RAP1GAP: variants seen among roughly 807,000 people sequenced by gnomAD.
The protein encoded by RAP1GAP is rap1 GTPase-activating protein 1.
A neutral mutation model predicts 87.2 loss-of-function variants in RAP1GAP; 35 were observed. That is an observed-to-expected ratio of 0.40 (90% confidence interval 0.31 to 0.53). The LOEUF is 0.53. Among genes scored for constraint, RAP1GAP ranks in the 20% least tolerant of loss-of-function variants. RAP1GAP has a pLI of 0.48. For missense variants in RAP1GAP, 734 were observed against 898.9 expected (o/e 0.82, Z 2.35); for synonymous variants, 375 against 363.9 (o/e 1.03, Z -0.35).
At position 21,620,004 on chromosome 1, in the gene RAP1GAP, G is replaced by C. The variant is rs1383554395; in HGVS notation, c.18+11C>G. The stretch of plus-strand genomic sequence containing the variant: ...GTGGCTCCCCAGAACAGGCCACAGA[G>C]CCATCCTCACCTGCATCTTCTCAAT... On this transcript the variant is annotated intron_variant, in intron 4 of 24. Coordinates refer to ENST00000374765, the MANE Select transcript of RAP1GAP (RefSeq NM_002885.4). 1 of 1,613,856 alleles carries C rather than the reference G, an allele frequency of 6.2e-7. No homozygotes were observed. The highest frequency in any genetic ancestry group is 8.5e-7 in the Non-Finnish European group (1 of 1,179,858).
chr1:21,653,701 A>G (rs2096742072), intron 1 of RAP1GAP, among the ~76,000 whole-genome samples: 1 of 151,442 alleles, frequency 6.6e-6, no homozygotes, highest in African/African-American at 2.4e-5. Context: ...AGGGCCTCTC[A>G]GAGAGGTGGG....
At chr1:21,653,755 A>G (rs1001855964) in intron 1 of RAP1GAP, among the ~76,000 whole-genome samples, 1 of 151,972 alleles carries the variant, frequency 6.6e-6, no homozygotes, top group Non-Finnish European at 1.5e-5. Flanking sequence ...CTGGGCTATG[A>G]GGATGTGCAC....
Position 21,602,929 on chromosome 1 carries a change from C to T in RAP1GAP, c.1429-16G>A, listed in dbSNP as rs767904263. 6.3e-7 allele frequency: 1 copy of T among 1,585,018 alleles called. No individual in the cohort carries two copies. ...CAATCAGTGACTGTGGGGAGAGGCC[C>T]CAACTCAGTGCCACCTTACCTGGGA... On this transcript the variant is annotated splice_polypyrimidine_tract_variant and intron_variant, in intron 18 of 24. Transcript: ENST00000374765.
chr1:21,629,193 T>C (rs912366601), intron 2 of RAP1GAP, among the ~76,000 whole-genome samples: 2 of 152,160 alleles, frequency 1.3e-5, no homozygotes, highest in African/African-American at 4.8e-5. Context: ...GGGCAGAGGC[T>C]GCCTGGGGGT....
At chr1:21,637,531 T>C (rs2094948544) in intron 2 of RAP1GAP, among the ~76,000 whole-genome samples, 1 of 152,102 alleles carries the variant, frequency 6.6e-6, no homozygotes, top group African/African-American at 2.4e-5. Flanking sequence ...TGTTAAAATG[T>C]GCATATTCTT....
At chr1:21,626,833 G>A (rs578220654) in intron 2 of RAP1GAP, 4 of 453,306 alleles carry the variant, frequency 8.8e-6, no homozygotes, top group Admixed American at 2.4e-5. Context: ...GACAGTGACC[G>A]TGACCATAAC....
intron 2 of RAP1GAP, among the ~76,000 whole-genome samples, chr1:21,638,456 CAA>C (rs34567376): frequency 2.8e-3 from 360 of 128,178 alleles, no homozygotes; most frequent in African/African-American, 8.5e-3. Context: ...GACTCTGTCT[CAA>C]AAAAAAAAAA....
In RAP1GAP at chr1:21,659,578, C is replaced by T. The variant is rs375995746; in HGVS notation, c.-149+9676G>A. Among the ~76,000 whole-genome samples the T allele has an allele frequency of 2.6e-4, 40 of 152,312 alleles. 1 individual carries two copies. The East Asian group carries it at 7.0e-3, about 26-fold the overall frequency. ...TCCCGCGGGACCCGTTCTCTCGGTGCGCAGATCACGGGGCCGCACCTACGC... is the reference window on the plus strand; with the variant it reads ...TCCCGCGGGACCCGTTCTCTCGGTGTGCAGATCACGGGGCCGCACCTACGC... On this transcript the variant is annotated intron_variant, in intron 1 of 24. Transcript: ENST00000374765.
intron 7 of RAP1GAP, among the ~76,000 whole-genome samples, chr1:21,616,796 G>A (rs1411158955): frequency 2.0e-5 from 3 of 152,232 alleles, no homozygotes; most frequent in African/African-American, 7.2e-5. Context: ...GTTGGCTGCT[G>A]TATACCTGGT....
At chr1:21,602,245 C>A (rs907327513) in intron 19 of RAP1GAP, among the ~76,000 whole-genome samples, 2 of 152,346 alleles carry the variant, frequency 1.3e-5, no homozygotes, top group South Asian at 4.1e-4. Flanking sequence ...AGCCCCATGC[C>A]ATGGGTTGTG....
chr1:21,612,501 G>A (rs971377448), intron 10 of RAP1GAP, among the ~76,000 whole-genome samples: 11 of 152,116 alleles, frequency 7.2e-5, no homozygotes, highest in African/African-American at 2.2e-4. Flanking sequence ...AACAGGACAC[G>A]TCCCACCAAT....
chr1:21,599,483 G>T lies in RAP1GAP; in HGVS notation c.1776+11C>A. ...CTCCTGTGGGGCCCCTGACCCCCCT[G>T]AGCCTCTCACCAGGCCTGTGTCCTC... is the stretch of plus-strand genomic sequence containing the variant. On this transcript the variant is annotated intron_variant, in intron 21 of 24. Transcript: ENST00000374765. 6.2e-7 allele frequency: 1 copy of T among 1,606,394 alleles called. No homozygotes were observed.
At chr1:21,654,625 G>A (rs2096786073) in intron 1 of RAP1GAP, among the ~76,000 whole-genome samples, 1 of 151,844 alleles carries the variant, frequency 6.6e-6, no homozygotes, top group Non-Finnish European at 1.5e-5. Context: ...TTGAGAGTAG[G>A]AGTTGGAGAA....
chr1:21,613,293 TG>T lies in RAP1GAP; in HGVS notation c.475-65del. On this transcript the variant is annotated intron_variant, in intron 9 of 24. Coordinates refer to ENST00000374765, the MANE Select transcript of RAP1GAP (RefSeq NM_002885.4). The surrounding 1 kb of genome is among the most constrained non-coding windows in gnomAD (Gnocchi z 4.7). ...CCAGGGAGGAGAGGATGGGGCTGCC[TG>T]GGCCTCCCTGGTCAAGGTCTGGGGA... 5 of 1,409,336 alleles carry T rather than the reference TG, an allele frequency of 3.5e-6. No individual in the cohort carries two copies. Among genetic ancestry groups the T allele is most frequent in the Non-Finnish European group, 5.0e-6 (5 of 994,654 alleles). 87.3% of individuals were successfully genotyped at this position (1,409,336 alleles called of 1,614,324 possible). A position where few individuals can be genotyped will look rare whatever the true frequency, so the allele number is the denominator to read the frequency against.
chr1:21,626,567 C>T (rs1279399495), intron 2 of RAP1GAP, among the ~76,000 whole-genome samples, 170 bp from the exon 3 acceptor site: 1 of 152,150 alleles, frequency 6.6e-6, no homozygotes, highest in Non-Finnish European at 1.5e-5. Context: ...AGCAGGGCTA[C>T]CACACAGGCT....
At position 21,609,793 on chromosome 1, in the gene RAP1GAP, A is replaced by G; in HGVS notation, c.1000-147T>C. 2 of 638,468 alleles carry G rather than the reference A, an allele frequency of 3.1e-6. No homozygotes were observed. The highest frequency in any genetic ancestry group is 5.2e-6 in the Non-Finnish European group (2 of 385,946). 39.6% of individuals were successfully genotyped at this position (638,468 alleles called of 1,614,324 possible). A position where few individuals can be genotyped will look rare whatever the true frequency, so the allele number is the denominator to read the frequency against. On this transcript the variant is annotated intron_variant, in intron 14 of 24. Transcript: ENST00000374765. This position sits in a 1 kb window ranked among gnomAD's most constrained non-coding sequence, Gnocchi z 4.4. ...GGCTGGATGAATCTTTCTTCCAGAG[A>G]TTTCTGCCCTCTATCTTTTGCCCTG...
rs2079648654 is a variant in RAP1GAP, at chr1:21,613,327, T to A, written c.475-98A>T. On this transcript the variant is annotated intron_variant, in intron 9 of 24. Coordinates refer to ENST00000374765, the MANE Select transcript of RAP1GAP (RefSeq NM_002885.4). The surrounding 1 kb of genome is among the most constrained non-coding windows in gnomAD (Gnocchi z 4.7). The stretch of plus-strand genomic sequence containing the variant: ...CTGGTCAAGGTCTGGGGAGGAGCCA[T>A]GCTGGGAATGGCCAAGGCTAAAGCA... 2 of 1,140,302 alleles carry A rather than the reference T, an allele frequency of 1.8e-6. No individual in the cohort carries two copies. The highest frequency in any genetic ancestry group is 2.7e-6 in the Non-Finnish European group (2 of 753,956). 70.6% of individuals were successfully genotyped at this position (1,140,302 alleles called of 1,614,324 possible). A position where few individuals can be genotyped will look rare whatever the true frequency, so the allele number is the denominator to read the frequency against.
chr1:21,615,062 C>T lies in RAP1GAP; in HGVS notation c.292-973G>A, dbSNP rs940313940. On this transcript the variant is annotated intron_variant, in intron 7 of 24. Coordinates refer to ENST00000374765, the MANE Select transcript of RAP1GAP (RefSeq NM_002885.4). This position sits in a 1 kb window ranked among gnomAD's most constrained non-coding sequence, Gnocchi z 4.5. Reference sequence around the variant, plus strand: ...CTGCCTGGGCACAGAGTGGCAGAAACCCCCAAATGCTTGACATCATCCAGC... The same window carrying T: ...CTGCCTGGGCACAGAGTGGCAGAAATCCCCAAATGCTTGACATCATCCAGC... Among the ~76,000 whole-genome samples the T allele has an allele frequency of 7.9e-5, 12 of 152,174 alleles. No individual in the cohort carries two copies. The highest frequency in any genetic ancestry group is 2.9e-4 in the African/African-American group (12 of 41,436).
chr1:21,650,327 C>T (rs1010489322), intron 1 of RAP1GAP, among the ~76,000 whole-genome samples: 1 of 152,126 alleles, frequency 6.6e-6, no homozygotes, highest in Admixed American at 6.5e-5. Flanking sequence ...AGCTTCCCCC[C>T]ACCCTCACCC....
Sources: gnomAD v4.1 joint callset for allele counts (sites outside exome capture counted in the v4.1 genomes callset) on GRCh38, gnomAD v4.1.1 for gene constraint, Gnocchi (gnomAD v3.1) non-coding constraint, MANE v1.5 for transcripts, NCBI Gene and HGNC (gene_info 2026-07-23, HGNC 2026-07-21) for gene names.